The following SBK1 variants were observed in gnomAD, a reference collection of about 807,000 sequenced individuals.
SBK1 encodes the protein SH3 domain binding kinase 1, also known as serine/threonine-protein kinase SBK1.
Under a neutral mutation model 24.4 loss-of-function variants are expected in SBK1, and 11 were observed. The observed-to-expected ratio is 0.45, with a 90% CI of 0.28 to 0.75. SBK1 has a LOEUF of 0.75. Among genes scored for constraint, SBK1 ranks in the 30% least tolerant of loss-of-function variants. The pLI, the probability that SBK1 is intolerant of heterozygous loss-of-function variation, is 0.12. For synonymous variants in SBK1, 308 were observed against 284.4 expected, an observed-to-expected ratio of 1.08 and a Z score of -0.83; for missense variants, 467 against 620.5, an observed-to-expected ratio of 0.75 and a Z score of 2.63.
At chr16:28,308,427 AG>A (rs1242566413) in intron 1 of SBK1, among the ~76,000 whole-genome samples, 1 of 124,354 alleles carries the variant, frequency 8.0e-6, no homozygotes, top group Admixed American at 9.0e-5. Flanking sequence ...CTGGGATTAC[AG>A]GTGTGAGCCA....
rs1053435748 is a variant in SBK1 at position 28,293,284 on chromosome 16, C to T, written c.-24C>T. 1.0e-6 allele frequency: 1 copy of T among 985,520 alleles called. No individual in the cohort carries two copies. Among genetic ancestry groups the T allele is most frequent in the Non-Finnish European group, 1.2e-6 (1 of 830,004 alleles). The allele number at this position is 985,520 out of a possible 1,614,324, so 61.0% of individuals were successfully genotyped here. ...GCCCAGGCCCCCTGCCGCGGCGTCCCCGCGGCCCCAGCCCAGGTAAGCCGG... is the reference window on the plus strand; with the variant it reads ...GCCCAGGCCCCCTGCCGCGGCGTCCTCGCGGCCCCAGCCCAGGTAAGCCGG... On this transcript the variant is annotated 5_prime_UTR_variant, in exon 1 of 4. Transcript: ENST00000341901.
At chr16:28,298,668 A>G (rs1408828258) in intron 1 of SBK1, among the ~76,000 whole-genome samples, 1 of 152,230 alleles carries the variant, frequency 6.6e-6, no homozygotes, top group East Asian at 1.9e-4. Flanking sequence ...CTGCCGGGGT[A>G]TGCAAATGAG....
chr16:28,294,489 G>C (rs1194875812), intron 1 of SBK1, among the ~76,000 whole-genome samples: 1 of 152,198 alleles, frequency 6.6e-6, no homozygotes, highest in African/African-American at 2.4e-5. Context: ...CAATGTCTGT[G>C]ATGGACCATG....
intron 1 of SBK1, among the ~76,000 whole-genome samples, chr16:28,265,032 G>A (rs1385903894): frequency 5.9e-5 from 9 of 152,116 alleles, no homozygotes; most frequent in Non-Finnish European, 1.2e-4. Flanking sequence ...AGCACTTTGG[G>A]AGGCCGAGGC....
chr16:28,280,220 C>CATATACAT (rs945231704), intron 1 of SBK1, among the ~76,000 whole-genome samples: 3 of 125,742 alleles, frequency 2.4e-5, no homozygotes, highest in Admixed American at 8.9e-5. Flanking sequence ...TACGTATACG[C>CATATACAT]ATATACATAT....
chr16:28,296,295 A>G (rs530000244), intron 1 of SBK1, among the ~76,000 whole-genome samples: 33 of 152,068 alleles, frequency 2.2e-4, no homozygotes, highest in Non-Finnish European at 4.0e-4. Context: ...GGGTTTCACC[A>G]TCTTGGCCAG....
At chr16:28,305,277 A>G (rs1205141890) in intron 1 of SBK1, among the ~76,000 whole-genome samples, 1 of 151,996 alleles carries the variant, frequency 6.6e-6, no homozygotes, top group Admixed American at 6.6e-5. Context: ...GCAATGGTGC[A>G]TCTCAGCTCA....
At chr16:28,308,744 T>G (rs890459029) in intron 1 of SBK1, among the ~76,000 whole-genome samples, 42 of 130,278 alleles carry the variant, frequency 3.2e-4, no homozygotes, top group Non-Finnish European at 5.4e-4. Flanking sequence ...CTTTGGGGTG[T>G]GTGTGTGTGT....
intron 1 of SBK1, among the ~76,000 whole-genome samples, chr16:28,271,890 A>G (rs2044467695): frequency 6.6e-6 from 1 of 152,222 alleles, no homozygotes; most frequent in African/African-American, 2.4e-5. Context: ...CTGCCAAGAG[A>G]ATGTGAAGAG....
At chr16:28,269,261 C>T (rs2044448911) in intron 1 of SBK1, among the ~76,000 whole-genome samples, 2 of 151,806 alleles carry the variant, frequency 1.3e-5, no homozygotes, top group Non-Finnish European at 2.9e-5. Context: ...TCTCGAATTC[C>T]CGACCACAGG....
chr16:28,273,211 C>G (rs1401019964), intron 1 of SBK1, among the ~76,000 whole-genome samples: 2 of 151,500 alleles, frequency 1.3e-5, no homozygotes, highest in African/African-American at 2.4e-5. Context: ...CACCTGGCCT[C>G]TCTTTCAGAT....
At chr16:28,309,890 T>G (rs773044987) in intron 1 of SBK1, among the ~76,000 whole-genome samples, 3 of 152,182 alleles carry the variant, frequency 2.0e-5, no homozygotes, top group African/African-American at 7.2e-5. Flanking sequence ...GTGTGGATGC[T>G]TGTGCATCCG....
chr16:28,302,939 C>T (rs980308788), intron 1 of SBK1, among the ~76,000 whole-genome samples: 74 of 139,862 alleles, frequency 5.3e-4, no homozygotes, highest in African/African-American at 1.8e-3. Context: ...TACATCCTAC[C>T]AGGAAAAAAT....
chr16:28,270,137 A>G (rs564359186), intron 1 of SBK1, among the ~76,000 whole-genome samples: 1 of 151,164 alleles, frequency 6.6e-6, no homozygotes, highest in East Asian at 2.0e-4. Context: ...CGTGATCTCC[A>G]CTCAACCTCC....
Position 28,317,362 on chromosome 16 carries a change from T to G in SBK1, c.-7-23T>G. On this transcript the variant is annotated intron_variant, in intron 1 of 3. Coordinates refer to ENST00000341901, the MANE Select transcript of SBK1 (RefSeq NM_001024401.3). The surrounding 1 kb of genome is among the most constrained non-coding windows in gnomAD (Gnocchi z 4.2). ...GACCCTTGCCTGATGTCACACTTCA[T>G]GCTCACCACCCCTACCCAACAGGGA... The G allele has an allele frequency of 1.3e-6, 2 of 1,586,608 alleles. No individual in the cohort carries two copies. Among genetic ancestry groups the G allele is most frequent in the Non-Finnish European group, 1.7e-6 (2 of 1,155,874 alleles).
chr16:28,269,576 G>A (rs1305373562), intron 1 of SBK1, among the ~76,000 whole-genome samples: 1 of 151,280 alleles, frequency 6.6e-6, no homozygotes, highest in Non-Finnish European at 1.5e-5. Flanking sequence ...CCATCCAAAG[G>A]ATAAAAATAG....
chr16:28,313,697 C>T (rs1283159405), intron 1 of SBK1, among the ~76,000 whole-genome samples: 2 of 149,162 alleles, frequency 1.3e-5, no homozygotes, highest in African/African-American at 4.9e-5. Context: ...GGCTGCAGGG[C>T]GGGGAGGGGA....
chr16:28,284,337 G>A (rs922420331), intron 1 of SBK1, among the ~76,000 whole-genome samples: 5 of 152,230 alleles, frequency 3.3e-5, no homozygotes, highest in African/African-American at 1.2e-4. Context: ...CATGCCTGTG[G>A]AGGAGCTGGG....
chr16:28,322,895 G>A lies in SBK1; in HGVS notation c.*1974G>A, dbSNP rs139522968. The stretch of plus-strand genomic sequence containing the variant: ...GATTCCACAGTAGACGTCCCTTGCC[G>A]TGCTCGCTCTCTCTCTCGCGCGCGC... On this transcript the variant is annotated 3_prime_UTR_variant, in exon 4 of 4. Coordinates refer to ENST00000341901, the MANE Select transcript of SBK1 (RefSeq NM_001024401.3). 3 of 145,116 alleles carry A rather than the reference G, an allele frequency of 2.1e-5. No homozygotes were observed. Among genetic ancestry groups the A allele is most frequent in the East Asian group, 4.0e-4 (2 of 5,026 alleles). 9.0% of individuals were successfully genotyped at this position (145,116 alleles called of 1,614,324 possible). A position where few individuals can be genotyped will look rare whatever the true frequency, so the allele number is the denominator to read the frequency against.
Sources: allele counts gnomAD v4.1 joint callset (sites outside exome capture counted in the v4.1 genomes callset), GRCh38; gene constraint gnomAD v4.1.1; non-coding constraint Gnocchi (gnomAD v3.1); transcripts MANE v1.5; gene names NCBI Gene and HGNC (gene_info 2026-07-23, HGNC 2026-07-21).